The following PPARGC1A variants were observed in gnomAD, a reference collection of about 807,000 sequenced individuals.
PPARGC1A encodes the protein peroxisome proliferator-activated receptor gamma coactivator 1-alpha.
PPARGC1A carries 25 observed loss-of-function variants against 88.7 expected under a neutral mutation model. The ratio of observed to expected loss-of-function variants is 0.28; its 90% confidence interval spans 0.21 to 0.39. The LOEUF is 0.39. Among genes scored for constraint, PPARGC1A ranks in the 10% least tolerant of loss-of-function variants. PPARGC1A has a pLI of 1.00. For synonymous variants in PPARGC1A, 363 were observed against 355.6 expected, an observed-to-expected ratio of 1.02 and a Z score of -0.24; for missense variants, 880 against 968.7, an observed-to-expected ratio of 0.91 and a Z score of 1.22.
chr4:24,022,854 G>T, the PPARGC1A span, among the ~76,000 whole-genome samples: 2 of 152,086 alleles, frequency 1.3e-5, no homozygotes, highest in African/African-American at 4.8e-5. Context: ...AAATTTCAGG[G>T]TTGTTTGTTA....
chr4:24,388,901 T>C, the PPARGC1A span, among the ~76,000 whole-genome samples: 1 of 152,132 alleles, frequency 6.6e-6, no homozygotes, highest in African/African-American at 2.4e-5. Flanking sequence ...CAAACCACCA[T>C]GGCACGTGTA....
chr4:24,402,061 C>T, the PPARGC1A span, among the ~76,000 whole-genome samples: 2 of 152,200 alleles, frequency 1.3e-5, no homozygotes, highest in African/African-American at 4.8e-5. Context: ...TAAGTGCTCT[C>T]GCCCCACCCC....
the PPARGC1A span, among the ~76,000 whole-genome samples, chr4:24,349,276 T>C: frequency 6.6e-6 from 1 of 152,168 alleles, no homozygotes; most frequent in African/African-American, 2.4e-5. Context: ...CTGGTTGGCC[T>C]CCTGCCAGGA....
intron 2 of PPARGC1A, among the ~76,000 whole-genome samples, chr4:23,835,159 T>C (rs1725772629): frequency 6.6e-6 from 1 of 152,220 alleles, no homozygotes; most frequent in African/African-American, 2.4e-5. Flanking sequence ...CCAGCAATAC[T>C]ACAAGCCGTT....
the PPARGC1A span, among the ~76,000 whole-genome samples, chr4:24,327,652 T>G: frequency 2.0e-5 from 3 of 151,768 alleles, no homozygotes. Flanking sequence ...AAGATCTCCC[T>G]TCAGCTTAAT....
chr4:24,064,367 C>T, the PPARGC1A span, among the ~76,000 whole-genome samples: 1 of 152,012 alleles, frequency 6.6e-6, no homozygotes. Flanking sequence ...CCAGTGGGGC[C>T]CACTGGATAC....
chr4:23,797,887 T>A (rs962235522), intron 12 of PPARGC1A, among the ~76,000 whole-genome samples: 2 of 152,220 alleles, frequency 1.3e-5, no homozygotes, highest in Non-Finnish European at 2.9e-5. Flanking sequence ...TCATATCCTC[T>A]GTGACCTGCA....
At chr4:23,885,807 T>C (rs1264716529) in intron 1 of PPARGC1A, among the ~76,000 whole-genome samples, 1 of 152,228 alleles carries the variant, frequency 6.6e-6, no homozygotes. Flanking sequence ...AAATAACTAT[T>C]TTTGTTTAGA....
chr4:23,801,737 T>C lies in PPARGC1A; in HGVS notation c.2286A>G (p.Ala762=). The change falls in exon 12 of 13, where the codon GCA becomes GCG. Residue 762 remains alanine, a synonymous_variant. Transcript: ENST00000264867. ...GTACAATAAAATCCATACCTAGGTC[T>C]GCATAGTTAGACTTGAAAAATTGCT... ...GRKQFFKSNY[A]DLDSNSDDFD... 1 of 1,614,020 alleles carries C rather than the reference T, an allele frequency of 6.2e-7. No individual in the cohort carries two copies. Among genetic ancestry groups the C allele is most frequent in the South Asian group, 1.1e-5 (1 of 91,080 alleles).
chr4:23,967,499 A>T, the PPARGC1A span, among the ~76,000 whole-genome samples: 1 of 151,986 alleles, frequency 6.6e-6, no homozygotes, highest in East Asian at 1.9e-4. Flanking sequence ...TAGTCTGCCG[A>T]CTCGGGAACC....
At chr4:23,826,795 T>C (rs181138993) in intron 5 of PPARGC1A, among the ~76,000 whole-genome samples, 41 of 152,140 alleles carry the variant, frequency 2.7e-4, no homozygotes, top group African/African-American at 9.4e-4. Context: ...GCCAGTCTCA[T>C]CTAAAGAAAA....
At chr4:24,020,760 C>T in the PPARGC1A span, among the ~76,000 whole-genome samples, 2 of 152,166 alleles carry the variant, frequency 1.3e-5, no homozygotes, top group South Asian at 4.1e-4. Context: ...CAATTTCTCA[C>T]ACCCCTTGTC....
the PPARGC1A span, among the ~76,000 whole-genome samples, chr4:24,175,613 C>T: frequency 6.9e-6 from 1 of 145,126 alleles, no homozygotes; most frequent in Non-Finnish European, 1.5e-5. Context: ...GTCTCAAACT[C>T]CTGACCTCAG....
chr4:24,232,345 AAGGTTTGCTT>A, the PPARGC1A span, among the ~76,000 whole-genome samples: 1 of 152,222 alleles, frequency 6.6e-6, no homozygotes, highest in Non-Finnish European at 1.5e-5. Context: ...GATGCAGAGC[AAGGTTTGCTT>A]AAACTCCACT....
the PPARGC1A span, among the ~76,000 whole-genome samples, chr4:24,034,749 C>G: frequency 6.6e-6 from 1 of 152,048 alleles, no homozygotes; most frequent in Non-Finnish European, 1.5e-5. Flanking sequence ...TTTAAAGAAG[C>G]AAGAAGAAAA....
At chr4:24,373,245 G>A in the PPARGC1A span, among the ~76,000 whole-genome samples, 1 of 152,222 alleles carries the variant, frequency 6.6e-6, no homozygotes, top group South Asian at 2.1e-4. Context: ...GGGGCAAAGA[G>A]GTGTCTGCAG....
chr4:24,220,181 T>C, the PPARGC1A span, among the ~76,000 whole-genome samples: 5 of 152,142 alleles, frequency 3.3e-5, no homozygotes, highest in African/African-American at 1.2e-4. Context: ...AGATACCATC[T>C]CACACCAGTC....
the PPARGC1A span, among the ~76,000 whole-genome samples, chr4:24,102,551 C>T: frequency 1.8e-4 from 28 of 152,342 alleles, no homozygotes; most frequent in African/African-American, 6.5e-4. Context: ...CATGTTAAGT[C>T]TTTCCGAATT....
chr4:23,954,981 G>A, the PPARGC1A span, among the ~76,000 whole-genome samples: 1 of 152,094 alleles, frequency 6.6e-6, no homozygotes, highest in East Asian at 1.9e-4. Context: ...TAGAAGAGAT[G>A]TCAGAGTGTA....
Sources: gnomAD v4.1 joint callset for allele counts (sites outside exome capture counted in the v4.1 genomes callset) on GRCh38, gnomAD v4.1.1 for gene constraint, MANE v1.5 for transcripts, NCBI Gene and HGNC (gene_info 2026-07-23, HGNC 2026-07-21) for gene names.